The following NOL4L variants were observed in gnomAD, a reference collection of about 807,000 sequenced individuals.
The protein encoded by NOL4L is nucleolar protein 4-like.
NOL4L carries 7 observed loss-of-function variants against 64.5 expected under a neutral mutation model. The observed-to-expected ratio is 0.11, with a 90% CI of 0.06 to 0.20. NOL4L has a LOEUF of 0.20. NOL4L is among the 10% of genes least tolerant of loss of function. The probability of loss-of-function intolerance (pLI) is 1.00; values close to 1 mark genes in which losing one functional copy is unlikely to be tolerated. For synonymous variants in NOL4L, 413 were observed against 401.0 expected (o/e 1.03, Z -0.36); for missense variants, 680 against 967.1 (o/e 0.70, Z 3.94).
chr20:32,521,282 C>G (rs2017923184), intron 2 of NOL4L, among the ~76,000 whole-genome samples: 1 of 152,124 alleles, frequency 6.6e-6, no homozygotes, highest in Non-Finnish European at 1.5e-5. Flanking sequence ...GTGAGCAGTT[C>G]CCCTCTTAGA....
chr20:32,489,719 A>G (rs2145516028), intron 4 of NOL4L, among the ~76,000 whole-genome samples: 1 of 151,126 alleles, frequency 6.6e-6, no homozygotes, highest in African/African-American at 2.4e-5. Context: ...CCGAGGCAGG[A>G]GAATGGTGTG....
chr20:32,472,860 A>C (rs1001542583), intron 5 of NOL4L, among the ~76,000 whole-genome samples: 8 of 152,146 alleles, frequency 5.3e-5, no homozygotes, highest in Non-Finnish European at 1.2e-4. Flanking sequence ...CAGGAGGGGA[A>C]GGTGGTGTCT....
chr20:32,452,018 T>C (rs925961018), intron 10 of NOL4L, among the ~76,000 whole-genome samples: 10 of 152,170 alleles, frequency 6.6e-5, no homozygotes, highest in Non-Finnish European at 1.3e-4. Context: ...GTTTTTGCTT[T>C]AACCAACTGA....
intron 3 of NOL4L, 69 bp downstream of exon 3, chr20:32,520,742 G>A (rs1568682673): frequency 4.3e-6 from 4 of 936,106 alleles, no homozygotes; most frequent in East Asian, 5.5e-5. Context: ...AGCAAAAGCT[G>A]GCGTCTTCAG....
chr20:32,460,439 G>A lies in NOL4L; in HGVS notation c.842-4044C>T, dbSNP rs999676272. 5.9e-5 allele frequency among the ~76,000 whole-genome samples: 9 copies of A among 152,156 alleles called. No homozygotes were observed. Among genetic ancestry groups the A allele is most frequent in the Non-Finnish European group, 1.0e-4 (7 of 68,018 alleles). On this transcript the variant is annotated intron_variant, in intron 5 of 10. Transcript: ENST00000621426. The surrounding 1 kb of genome is among the most constrained non-coding windows in gnomAD (Gnocchi z 5.7). ...CAGCTGCCCCCGCGCCACATGCTCT[G>A]GGGGCTGCCTGCAACCTGAGGCCCA...
intron 1 of NOL4L, among the ~76,000 whole-genome samples, chr20:32,556,276 G>T (rs796241864): frequency 0.033 from 1,143 of 34,646 alleles, 21 homozygotes; most frequent in African/African-American, 0.15. Flanking sequence ...TTCCTTTGTG[G>T]GGGGGGGGGG....
rs2012265339 is a variant in NOL4L, at chr20:32,444,937, C to T, written c.*2659G>A. The stretch of plus-strand genomic sequence containing the variant: ...GAGTAGGGGGAAGGGGTTGAAGCTG[C>T]ATCTTTTAAAACAAAAGCAAAACAA... On this transcript the variant is annotated 3_prime_UTR_variant, in exon 11 of 11. Coordinates refer to ENST00000621426, the MANE Select transcript of NOL4L (RefSeq NM_001256798.2). The T allele has an allele frequency of 8.5e-6, 1 of 117,152 alleles. No homozygotes were observed. The highest frequency in any genetic ancestry group is 1.7e-5 in the Non-Finnish European group (1 of 59,348). The allele number at this position is 117,152 out of a possible 1,614,324, so 7.3% of individuals were successfully genotyped here. A position where few individuals can be genotyped will look rare whatever the true frequency, so the allele number is the denominator to read the frequency against.
At chr20:32,538,566 C>T (rs540214168) in intron 1 of NOL4L, among the ~76,000 whole-genome samples, 40 of 151,330 alleles carry the variant, frequency 2.6e-4, no homozygotes, top group Non-Finnish European at 3.8e-4. Flanking sequence ...TCCCCAACCC[C>T]GCCAGCATTC....
At chr20:32,530,640 G>GGCC (rs2018312723) in intron 1 of NOL4L, among the ~76,000 whole-genome samples, 1 of 152,094 alleles carries the variant, frequency 6.6e-6, no homozygotes, top group Admixed American at 6.5e-5. Flanking sequence ...CTTAACACTT[G>GGCC]GCCGGGAATG....
chr20:32,467,224 TG>T (rs2014633314), intron 5 of NOL4L, among the ~76,000 whole-genome samples: 4 of 152,086 alleles, frequency 2.6e-5, no homozygotes, highest in Admixed American at 2.6e-4. Flanking sequence ...ATGGCAGCAC[TG>T]ACTCCTCGCT....
chr20:32,460,960 T>G lies in NOL4L; in HGVS notation c.842-4565A>C, dbSNP rs1166308850. Among the ~76,000 whole-genome samples the G allele has an allele frequency of 6.6e-6, 1 of 152,114 alleles. No individual in the cohort carries two copies. The highest frequency in any genetic ancestry group is 1.5e-5 in the Non-Finnish European group (1 of 68,012). Reference sequence around the variant, plus strand: ...CTGTGCTAACCCGAGCACCACCACCTCAGGGAAGCCCTCCCTACCTGCCCC... The same window carrying G: ...CTGTGCTAACCCGAGCACCACCACCGCAGGGAAGCCCTCCCTACCTGCCCC... On this transcript the variant is annotated intron_variant, in intron 5 of 10. Coordinates refer to ENST00000621426, the MANE Select transcript of NOL4L (RefSeq NM_001256798.2). The surrounding 1 kb of genome is among the most constrained non-coding windows in gnomAD (Gnocchi z 5.7).
intron 1 of NOL4L, among the ~76,000 whole-genome samples, chr20:32,538,245 G>A (rs1023039950): frequency 3.9e-5 from 6 of 152,206 alleles, no homozygotes; most frequent in South Asian, 2.1e-4. Context: ...GCCTTTGGGG[G>A]GCAGGGAGGG....
At chr20:32,512,118 C>A (rs1232338171) in intron 3 of NOL4L, among the ~76,000 whole-genome samples, 1 of 152,178 alleles carries the variant, frequency 6.6e-6, no homozygotes, top group Non-Finnish European at 1.5e-5. Flanking sequence ...CCACATGGGG[C>A]CCCCACTCCC....
chr20:32,486,721 C>T (rs1475211977), intron 4 of NOL4L: 2 of 471,120 alleles, frequency 4.2e-6, no homozygotes, highest in Admixed American at 2.3e-5. Flanking sequence ...CTGGCAGACA[C>T]TTCCCAATCA....
At chr20:32,489,469 C>T (rs1255249081) in intron 4 of NOL4L, among the ~76,000 whole-genome samples, 1 of 152,026 alleles carries the variant, frequency 6.6e-6, no homozygotes, top group African/African-American at 2.4e-5. Context: ...ATCCTCCTGC[C>T]TTAGCCTCCC....
intron 3 of NOL4L, among the ~76,000 whole-genome samples, chr20:32,517,442 C>T (rs1028709064): frequency 7.9e-5 from 12 of 152,172 alleles, no homozygotes; most frequent in South Asian, 4.1e-4. Context: ...GCCAGCATGG[C>T]GGGCAGAGAT....
chr20:32,566,436 G>T (rs60764690), intron 1 of NOL4L, among the ~76,000 whole-genome samples: 1 of 151,998 alleles, frequency 6.6e-6, no homozygotes, highest in Admixed American at 6.5e-5. Flanking sequence ...ACTGACTCCC[G>T]TGGGGACAGG....
At chr20:32,501,186 G>T (rs1300370315) in intron 4 of NOL4L, among the ~76,000 whole-genome samples, 1 of 152,184 alleles carries the variant, frequency 6.6e-6, no homozygotes, top group African/African-American at 2.4e-5. Context: ...TTGATATTAT[G>T]GACCCTTAAC....
At chr20:32,536,088 C>T (rs2018512567) in intron 1 of NOL4L, 1 of 985,676 alleles carries the variant, frequency 1.0e-6, no homozygotes, top group Non-Finnish European at 1.2e-6. Flanking sequence ...GGCATAATGG[C>T]TTTCGCCACC....
Sources: gnomAD v4.1 joint callset for allele counts (sites outside exome capture counted in the v4.1 genomes callset) on GRCh38, gnomAD v4.1.1 for gene constraint, Gnocchi (gnomAD v3.1) non-coding constraint, MANE v1.5 for transcripts, NCBI Gene and HGNC (gene_info 2026-07-23, HGNC 2026-07-21) for gene names.